C2: variants seen among roughly 807,000 people sequenced by gnomAD.
The protein encoded by C2 is C3/C5 convertase.
C2 carries 64 observed loss-of-function variants against 85.2 expected under a neutral mutation model. The observed-to-expected ratio is 0.75, with a 90% CI of 0.61 to 0.92. The LOEUF (loss-of-function observed/expected upper bound fraction) is 0.92. C2 is among the 40% of genes least tolerant of loss of function. C2 has a pLI of 0.00. For synonymous variants in C2, 311 were observed against 370.8 expected, an observed-to-expected ratio of 0.84 and a Z score of 1.85; for missense variants, 820 against 971.6, an observed-to-expected ratio of 0.84 and a Z score of 2.07.
chr6:31,911,961 C>G (rs571590695), intron 1 of C2, among the ~76,000 whole-genome samples: 1 of 132,646 alleles, frequency 7.5e-6, no homozygotes, highest in Non-Finnish European at 1.5e-5. Flanking sequence ...CAATTTGAGA[C>G]CGGGTCACTA....
At chr6:31,936,169 C>T in intron 7 of C2, 108 bp downstream of exon 7, 2 of 1,218,712 alleles carry the variant, frequency 1.6e-6, no homozygotes, top group East Asian at 2.5e-5. Context: ...CTCTTGGTGG[C>T]ACCTGAGTCC....
chr6:31,920,535 CCT>C lies in C2; in HGVS notation c.-100+510_-100+511del, dbSNP rs1768888801. Reference sequence around the variant, plus strand: ...CCCCCTGGCCCATCCTCAGCTGACCCCTGAGCACCTGAGTTGTGTTTACCACC... The same window carrying C: ...CCCCCTGGCCCATCCTCAGCTGACCCGAGCACCTGAGTTGTGTTTACCACC... On this transcript the variant is annotated intron_variant, in intron 1 of 3. Coordinates refer to the C2 transcript ENST00000413154. This position sits in a 1 kb window ranked among gnomAD's most constrained non-coding sequence, Gnocchi z 5.6. Among the ~76,000 whole-genome samples, 1 of 152,084 alleles carries C rather than the reference CCT, an allele frequency of 6.6e-6. No homozygotes were observed. Among genetic ancestry groups the C allele is most frequent in the South Asian group, 2.1e-4 (1 of 4,824 alleles).
Position 31,945,253 on chromosome 6 carries a change from C to A in C2, c.2155C>A (p.Arg719Ser). 1 of 1,612,954 alleles carries A rather than the reference C, an allele frequency of 6.2e-7. No homozygotes were observed. ...ADKNSRKRAPRSKVPPPRDFH... is the reference protein window; with the variant it reads ...ADKNSRKRAPSSKVPPPRDFH... ...CAAAAACTCCCGCAAAAGGGCCCCTCGTAGCAAGGTCCCGCCGCCACGAGA... is the reference window on the plus strand; with the variant it reads ...CAAAAACTCCCGCAAAAGGGCCCCTAGTAGCAAGGTCCCGCCGCCACGAGA... The change falls in exon 18 of 18, where the codon CGT becomes AGT. Residue 719 changes from arginine (R) to serine (S), a missense_variant. By Grantham distance (110) the Arg-to-Ser change is moderately radical. Transcript: ENST00000299367. This position sits in a 1 kb window ranked among gnomAD's most constrained non-coding sequence, Gnocchi z 5.3.
chr6:31,910,743 G>T (rs1187046900), intron 1 of C2, among the ~76,000 whole-genome samples: 2 of 151,286 alleles, frequency 1.3e-5, no homozygotes, highest in Non-Finnish European at 1.5e-5. Context: ...ACTTTGGGAG[G>T]CTGAGGCAGA....
chr6:31,910,457 T>C (rs561739792), intron 1 of C2, among the ~76,000 whole-genome samples: 1 of 151,364 alleles, frequency 6.6e-6, no homozygotes, highest in Admixed American at 6.6e-5. Context: ...GCCTCCAGAG[T>C]AGCTAGGACT....
intron 3 of C2, 58 bp downstream of exon 3, chr6:31,928,975 G>T: frequency 6.8e-7 from 1 of 1,471,440 alleles, no homozygotes; most frequent in Non-Finnish European, 9.3e-7. Context: ...GGAACCCTGG[G>T]GCCCAATGTG....
chr6:31,927,464 G>T, upstream of C2: 1 of 1,404,250 alleles, frequency 7.1e-7, no homozygotes, highest in Non-Finnish European at 9.3e-7. This position sits in a 1 kb window ranked among gnomAD's most constrained non-coding sequence, Gnocchi z 4.7. Context: ...ACATGTGCAC[G>T]CATGGGTGGG....
upstream of C2, among the ~76,000 whole-genome samples, chr6:31,919,334 G>A (rs572974578): frequency 9.2e-5 from 14 of 152,002 alleles, no homozygotes; most frequent in African/African-American, 2.9e-4. Context: ...TAGTAGAGAC[G>A]GGATTTCACC....
chr6:31,902,090 G>A (rs116606947), intron 1 of C2: 3,092 of 152,642 alleles, frequency 0.02, 53 homozygotes, highest in Non-Finnish European at 0.027. Context: ...GAGGAAGAGG[G>A]GAGGGAATTA....
chr6:31,899,699 A>G, upstream of C2: 1 of 533,060 alleles, frequency 1.9e-6, no homozygotes, highest in South Asian at 3.2e-5. Flanking sequence ...GGGACCCCGT[A>G]TTCCCCTGGC....
At chr6:31,907,530 C>T (rs1028357086) in intron 1 of C2, among the ~76,000 whole-genome samples, 2 of 140,364 alleles carry the variant, frequency 1.4e-5, no homozygotes, top group African/African-American at 5.4e-5. Context: ...CTGCAGTGAG[C>T]CTTGTTCGCA....
At chr6:31,900,361 G>A, upstream of C2, 22 of 1,578,498 alleles carry the variant, frequency 1.4e-5, no homozygotes, top group Non-Finnish European at 1.9e-5. The surrounding 1 kb of genome is among the most constrained non-coding windows in gnomAD (Gnocchi z 9.7). Context: ...GTCCCCGGCT[G>A]CCCCCCGCCC....
rs1771051636 is a variant in C2 at position 31,943,351 on chromosome 6, C to T, written c.1455+32C>T. 1.2e-6 allele frequency: 2 copies of T among 1,609,770 alleles called. No homozygotes were observed. The highest frequency in any genetic ancestry group is 1.7e-6 in the Non-Finnish European group (2 of 1,176,974). On this transcript the variant is annotated intron_variant, in intron 11 of 17. Transcript: ENST00000299367. The surrounding 1 kb of genome is among the most constrained non-coding windows in gnomAD (Gnocchi z 6.4). ...GGAAGGAGGGGCAGGGCTTGGATTC[C>T]AGAGGTAAAAGCGGCCATGGGCCAG...
upstream of C2, among the ~76,000 whole-genome samples, chr6:31,919,070 A>G (rs1768766262): frequency 6.6e-6 from 1 of 152,050 alleles, no homozygotes; most frequent in South Asian, 2.1e-4. Flanking sequence ...AATAAAACTT[A>G]ATCTGCAGAG....
rs1310054410 is a variant in C2, at chr6:31,944,018, T to A, written c.1810+25T>A. ...GGTGAGTGCTGGGACTTATGGTGCT[T>A]GAGAGCTGGGGCCGGGGTTTGGGGG... On this transcript the variant is annotated intron_variant, in intron 14 of 17. Coordinates refer to ENST00000299367, the MANE Select transcript of C2 (RefSeq NM_000063.6). The surrounding 1 kb of genome is among the most constrained non-coding windows in gnomAD (Gnocchi z 5.1). The A allele has an allele frequency of 4.3e-6, 7 of 1,610,206 alleles. No individual in the cohort carries two copies. The highest frequency in any genetic ancestry group is 5.9e-6 in the Non-Finnish European group (7 of 1,177,644).
chr6:31,942,742 T>C (rs1770984807), intron 9 of C2, among the ~76,000 whole-genome samples: 1 of 152,082 alleles, frequency 6.6e-6, no homozygotes, highest in Non-Finnish European at 1.5e-5. Flanking sequence ...TGACCATGCC[T>C]ATGGATTTGA....
chr6:31,897,812 A>G, upstream of C2: 3 of 1,004,148 alleles, frequency 3.0e-6, no homozygotes, highest in Non-Finnish European at 3.6e-6. Context: ...GGCCTCGGAG[A>G]TGGCTGTGAC....
At chr6:31,924,753 C>T (rs1470200352), upstream of C2, among the ~76,000 whole-genome samples, 10 of 152,182 alleles carry the variant, frequency 6.6e-5, no homozygotes, top group African/African-American at 1.9e-4. Flanking sequence ...TCATTACGTT[C>T]TGGTAACCAA....
rs369131611 is a variant in C2 at position 31,935,897 on chromosome 6, C to T, written c.850-26C>T. 93 of 1,612,188 alleles carry T rather than the reference C, an allele frequency of 5.8e-5. No homozygotes were observed. The highest frequency in any genetic ancestry group is 6.4e-5 in the Non-Finnish European group (76 of 1,179,850). On this transcript the variant is annotated intron_variant, in intron 6 of 17. Coordinates refer to ENST00000299367, the MANE Select transcript of C2 (RefSeq NM_000063.6). The surrounding 1 kb of genome is among the most constrained non-coding windows in gnomAD (Gnocchi z 4.3). ...TCCCCTTTGGCTTCAGGGCCCTTTACGCTGCCTCTCACTTGCCCCGCACAG... is the reference window on the plus strand; with the variant it reads ...TCCCCTTTGGCTTCAGGGCCCTTTATGCTGCCTCTCACTTGCCCCGCACAG...
Sources: allele counts gnomAD v4.1 joint callset (sites outside exome capture counted in the v4.1 genomes callset), GRCh38; gene constraint gnomAD v4.1.1; non-coding constraint Gnocchi (gnomAD v3.1); transcripts MANE v1.5; gene names NCBI Gene and HGNC (gene_info 2026-07-23, HGNC 2026-07-21).